RBFOX1: variants seen among roughly 807,000 people sequenced by gnomAD.
RBFOX1 encodes the protein RNA binding protein fox-1 homolog 1.
A neutral mutation model predicts 57.7 loss-of-function variants in RBFOX1; 8 were observed. The ratio of observed to expected loss-of-function variants is 0.14; its 90% confidence interval spans 0.08 to 0.25. RBFOX1 has a LOEUF of 0.25. Ranked by LOEUF, RBFOX1 falls within the 10% of genes least tolerant of loss-of-function variation. The pLI, the probability that RBFOX1 is intolerant of heterozygous loss-of-function variation, is 1.00. For missense variants in RBFOX1, 611 were observed against 548.5 expected (o/e 1.11, Z -1.14); for synonymous variants, 326 against 222.4 (o/e 1.47, Z -4.15).
At chr16:6,265,744 T>A (rs2074402005) in intron 1 of RBFOX1, among the ~76,000 whole-genome samples, 1 of 152,144 alleles carries the variant, frequency 6.6e-6, no homozygotes. Context: ...TCAACTGCCT[T>A]CCTTGTACTT....
At chr16:6,758,110 G>T (rs1175934674) in intron 3 of RBFOX1, among the ~76,000 whole-genome samples, 1 of 152,078 alleles carries the variant, frequency 6.6e-6, no homozygotes, top group East Asian at 1.9e-4. Flanking sequence ...AATGGTCCAA[G>T]TCAGTAAATG....
chr16:6,173,076 G>A lies in RBFOX1; in HGVS notation c.-126-143919G>A, dbSNP rs188732656. Among the ~76,000 whole-genome samples the A allele has an allele frequency of 1.9e-3, 292 of 152,262 alleles. 1 individual carries two copies. The highest frequency in any genetic ancestry group is 3.1e-3 in the Non-Finnish European group (210 of 68,014). On this transcript the variant is annotated intron_variant, in intron 1 of 15. Coordinates refer to ENST00000550418, the MANE Select transcript of RBFOX1 (RefSeq NM_018723.4). The stretch of plus-strand genomic sequence containing the variant: ...GTTCTCAGATTTTAAGGACTGATAC[G>A]ATGATATTAGGCCCACCTGGATAAT...
intron 4 of RBFOX1, among the ~76,000 whole-genome samples, chr16:7,443,387 C>T (rs1223614055): frequency 6.6e-6 from 1 of 151,792 alleles, no homozygotes; most frequent in Non-Finnish European, 1.5e-5. Flanking sequence ...TCACATTAAT[C>T]ATGTAATTGA....
intron 1 of RBFOX1, among the ~76,000 whole-genome samples, chr16:5,429,654 A>G (rs183031240): frequency 2.7e-4 from 41 of 152,178 alleles, no homozygotes; most frequent in African/African-American, 9.7e-4. Context: ...GGTGGCACAA[A>G]GGCCTGGATA....
chr16:7,116,977 G>A (rs1234604148), intron 4 of RBFOX1, among the ~76,000 whole-genome samples: 1 of 152,122 alleles, frequency 6.6e-6, no homozygotes, highest in African/African-American at 2.4e-5. Context: ...AGTCCATAGA[G>A]AAGGGTTTGT....
intron 3 of RBFOX1, among the ~76,000 whole-genome samples, chr16:5,735,837 C>T (rs1283296063): frequency 2.0e-5 from 3 of 152,122 alleles, no homozygotes; most frequent in South Asian, 2.1e-4. Context: ...GATGGCACCA[C>T]TGCACTCCAG....
Position 6,478,413 on chromosome 16 carries a change from ATATATATATATATATATTTTTTTT to A in RBFOX1, c.-64+161358_-64+161381del, listed in dbSNP as rs2095312039. 2.3e-4 allele frequency among the ~76,000 whole-genome samples: 5 copies of A among 21,924 alleles called. 1 individual carries two copies. Among genetic ancestry groups the A allele is most frequent in the Admixed American group, 2.1e-3 (3 of 1,416 alleles). 14.4% of individuals were successfully genotyped at this position (21,924 alleles called of 152,430 possible). ...AATATATATATATATATATATATATATATATATATATATATATTTTTTTTTTTTTTTTTTGTATTTTTAGTAGAG... is the reference window on the plus strand; with the variant it reads ...AATATATATATATATATATATATATATTTTTTTTTTGTATTTTTAGTAGAG... On this transcript the variant is annotated intron_variant, in intron 2 of 15. Transcript: ENST00000550418.
At position 5,856,288 on chromosome 16, in the gene RBFOX1, C is replaced by T. The variant is rs1341514714; in HGVS notation, c.319-11015C>T. Among the ~76,000 whole-genome samples, 30 of 15,154 alleles carry T rather than the reference C, an allele frequency of 2.0e-3. 2 individuals are homozygous for T. The highest frequency in any genetic ancestry group is 7.1e-3 in the South Asian group (3 of 424). The allele number at this position is 15,154 out of a possible 152,430, so 9.9% of individuals were successfully genotyped here. On this transcript the variant is annotated intron_variant, in intron 3 of 19. Transcript: ENST00000641259. ...ATATATATATACACATATATATACA[C>T]ACACACACACACACACACACACATA...
At chr16:7,598,419 C>T (rs574509140) in intron 9 of RBFOX1, among the ~76,000 whole-genome samples, 15 of 151,878 alleles carry the variant, frequency 9.9e-5, no homozygotes, top group Non-Finnish European at 2.2e-4. Context: ...AATAATATAA[C>T]TTTATTACAT....
intron 2 of RBFOX1, among the ~76,000 whole-genome samples, chr16:5,499,300 G>C (rs755546023): frequency 6.6e-6 from 1 of 152,128 alleles, no homozygotes; most frequent in Non-Finnish European, 1.5e-5. Context: ...TAGTGTGGCT[G>C]GTCAGCCTGT....
chr16:7,434,750 T>A (rs2098708915), intron 4 of RBFOX1, among the ~76,000 whole-genome samples: 1 of 145,102 alleles, frequency 6.9e-6, no homozygotes, highest in African/African-American at 2.5e-5. Flanking sequence ...TTTTTTTTTT[T>A]CTTTCCTGAG....
intron 4 of RBFOX1, among the ~76,000 whole-genome samples, chr16:7,448,766 T>C (rs1249761375): frequency 1.3e-5 from 2 of 152,168 alleles, no homozygotes; most frequent in African/African-American, 4.8e-5. Flanking sequence ...CACATACATT[T>C]TCCTTCTATG....
intron 4 of RBFOX1, among the ~76,000 whole-genome samples, chr16:7,428,140 T>C (rs557568969): frequency 1.2e-4 from 19 of 152,296 alleles, no homozygotes; most frequent in Non-Finnish European, 2.2e-4. Context: ...TATGCTGTTA[T>C]GTGATGGATG....
At chr16:5,973,428 C>G (rs972814244) in intron 4 of RBFOX1, among the ~76,000 whole-genome samples, 2 of 152,208 alleles carry the variant, frequency 1.3e-5, no homozygotes, top group Admixed American at 6.5e-5. Flanking sequence ...ATTTTGTTCA[C>G]ACACCTGTAT....
intron 5 of RBFOX1, among the ~76,000 whole-genome samples, chr16:7,564,072 C>T (rs1004939189): frequency 6.6e-6 from 1 of 152,118 alleles, no homozygotes; most frequent in Admixed American, 6.5e-5. Context: ...GTGTCCCCTA[C>T]TCCAGGTCAT....
intron 4 of RBFOX1, among the ~76,000 whole-genome samples, chr16:7,480,160 A>G (rs2063589874): frequency 6.6e-6 from 1 of 152,190 alleles, no homozygotes; most frequent in South Asian, 2.1e-4. Flanking sequence ...GGACAGCTAC[A>G]CACACTCTCT....
At chr16:6,445,451 G>A (rs1283671241) in intron 2 of RBFOX1, among the ~76,000 whole-genome samples, 2 of 151,982 alleles carry the variant, frequency 1.3e-5, no homozygotes, top group South Asian at 2.1e-4. Context: ...ACAATGTGGT[G>A]TGGTTTAACT....
chr16:7,474,176 A>C (rs1269278255), intron 4 of RBFOX1, among the ~76,000 whole-genome samples: 1 of 152,100 alleles, frequency 6.6e-6, no homozygotes, highest in African/African-American at 2.4e-5. Context: ...AGTTCCAGCT[A>C]CTCAGGGGGC....
chr16:6,466,169 C>T (rs1215283775), intron 2 of RBFOX1, among the ~76,000 whole-genome samples: 2 of 148,886 alleles, frequency 1.3e-5, no homozygotes, highest in Non-Finnish European at 1.5e-5. Flanking sequence ...GCAGAGGTTG[C>T]AAGTGAGCTG....
Sources: allele counts gnomAD v4.1 joint callset (sites outside exome capture counted in the v4.1 genomes callset), GRCh38; gene constraint gnomAD v4.1.1; transcripts MANE v1.5; gene names NCBI Gene and HGNC (gene_info 2026-07-23, HGNC 2026-07-21).